Variants in SOX6 observed in about 807,000 individuals in gnomAD.
SOX6 encodes SRY-box transcription factor 6.
In SOX6, 11 loss-of-function variants were observed where a neutral mutation model predicts 97.8. The observed-to-expected ratio is 0.11, with a 90% CI of 0.07 to 0.19. SOX6 has a LOEUF of 0.19. SOX6 is among the 10% of genes least tolerant of loss of function. SOX6 has a pLI of 1.00. For missense variants in SOX6, 810 were observed against 1,039.5 expected (o/e 0.78, Z 3.04); for synonymous variants, 360 against 371.4 (o/e 0.97, Z 0.35).
intron 1 of SOX6, among the ~76,000 whole-genome samples, chr11:16,424,703 A>T (rs952112727): frequency 9.9e-5 from 15 of 152,262 alleles, no homozygotes; most frequent in African/African-American, 3.6e-4. Context: ...TGTGAGATAC[A>T]CAAAGTTCCA....
chr11:16,728,209 G>A (rs1351039907), intron 2 of SOX6, among the ~76,000 whole-genome samples: 3 of 152,204 alleles, frequency 2.0e-5, no homozygotes, highest in Non-Finnish European at 4.4e-5. Flanking sequence ...GAGACCCCCA[G>A]CATAGCACTC....
At chr11:16,621,046 T>G (rs1218156366) in intron 3 of SOX6, among the ~76,000 whole-genome samples, 2 of 152,194 alleles carry the variant, frequency 1.3e-5, no homozygotes, top group East Asian at 3.8e-4. Flanking sequence ...GTGCCTATAT[T>G]TGGAAGAGCA....
intron 4 of SOX6, among the ~76,000 whole-genome samples, chr11:16,207,951 A>T (rs1473483676): frequency 6.6e-6 from 1 of 152,142 alleles, no homozygotes; most frequent in East Asian, 1.9e-4. Context: ...AATAGTCTAC[A>T]TTAATAAATA....
intron 1 of SOX6, among the ~76,000 whole-genome samples, chr11:16,395,093 A>G (rs568693399): frequency 6.6e-6 from 1 of 151,862 alleles, no homozygotes; most frequent in East Asian, 1.9e-4. Context: ...CTTTCTGTCA[A>G]TCTCCCTTTT....
chr11:16,635,081 G>C (rs1405808169), intron 3 of SOX6, among the ~76,000 whole-genome samples: 1 of 152,120 alleles, frequency 6.6e-6, no homozygotes, highest in Non-Finnish European at 1.5e-5. Context: ...CCAGTCTTGG[G>C]TATGTCCTTA....
chr11:16,300,409 A>G lies in SOX6; in HGVS notation c.445+18037T>C, dbSNP rs1855224409. On this transcript the variant is annotated intron_variant, in intron 3 of 15. Transcript: ENST00000683767. The surrounding 1 kb of genome is among the most constrained non-coding windows in gnomAD (Gnocchi z 4.1). ...TATTATAACATTTTGCTCAGAGCTGACATTTTTATTCTGACAAGCACTGTC... is the reference window on the plus strand; with the variant it reads ...TATTATAACATTTTGCTCAGAGCTGGCATTTTTATTCTGACAAGCACTGTC... Among the ~76,000 whole-genome samples, 1 of 152,182 alleles carries G rather than the reference A, an allele frequency of 6.6e-6. No individual in the cohort carries two copies. Among genetic ancestry groups the G allele is most frequent in the South Asian group, 2.1e-4 (1 of 4,830 alleles).
rs530590409 is a variant in SOX6, at chr11:16,049,968, T to C, written c.1252-30A>G. 205 of 1,611,040 alleles carry C rather than the reference T, an allele frequency of 1.3e-4. 1 individual carries two copies. In the South Asian group the frequency reaches 2.1e-3, roughly 17 times the overall value. ...AAGAGTTTAACGTAAATAATTATTT[T>C]TACAAAAGACAAATGAAGCACATTA... On this transcript the variant is annotated intron_variant, in intron 10 of 15. Coordinates refer to ENST00000683767, the MANE Select transcript of SOX6 (RefSeq NM_001367873.1).
intron 1 of SOX6, among the ~76,000 whole-genome samples, chr11:16,383,833 G>A (rs997209135): frequency 1.3e-5 from 2 of 151,886 alleles, no homozygotes; most frequent in African/African-American, 4.8e-5. Context: ...GAGTATGGGA[G>A]GAGGACTGAT....
chr11:16,606,552 C>G (rs1848336303), intron 4 of SOX6, among the ~76,000 whole-genome samples: 2 of 152,202 alleles, frequency 1.3e-5, no homozygotes, highest in African/African-American at 2.4e-5. Flanking sequence ...TCGAACTTCA[C>G]GGAGACTTAC....
chr11:16,261,770 ACTT>A (rs2134214850), intron 3 of SOX6, among the ~76,000 whole-genome samples: 1 of 152,140 alleles, frequency 6.6e-6, no homozygotes, highest in African/African-American at 2.4e-5. Flanking sequence ...GATTTTGAAA[ACTT>A]CTATCACAAA....
At chr11:15,988,786 T>C (rs1034300495) in intron 14 of SOX6, among the ~76,000 whole-genome samples, 10 of 152,230 alleles carry the variant, frequency 6.6e-5, no homozygotes, top group African/African-American at 2.4e-4. Context: ...ACCTGGTGGA[T>C]ATAATAACTC....
At chr11:16,172,796 G>C (rs1490161439) in intron 6 of SOX6, among the ~76,000 whole-genome samples, 1 of 151,928 alleles carries the variant, frequency 6.6e-6, no homozygotes, top group African/African-American at 2.4e-5. Context: ...AGGACAGGTA[G>C]TTGCTAGCAG....
intron 6 of SOX6, among the ~76,000 whole-genome samples, chr11:16,164,848 G>A (rs1009891521): frequency 4.7e-5 from 7 of 148,928 alleles, no homozygotes; most frequent in African/African-American, 1.3e-4. Context: ...AAGAAAGAAA[G>A]AAAAAAGAAA....
chr11:16,176,070 C>T lies in SOX6; in HGVS notation c.777+7816G>A, dbSNP rs368278933. Reference sequence around the variant, plus strand: ...ATGGATGGACGGACAGACGGACGGACGGATGGATGGATGGATGGATGGATG... The same window carrying T: ...ATGGATGGACGGACAGACGGACGGATGGATGGATGGATGGATGGATGGATG... On this transcript the variant is annotated intron_variant, in intron 6 of 15. Transcript: ENST00000683767. Among the ~76,000 whole-genome samples the T allele has an allele frequency of 5.4e-5, 8 of 148,420 alleles. No individual in the cohort carries two copies. The East Asian group carries it at 8.0e-4, about 15-fold the overall frequency.
chr11:16,314,777 TTACATTA>T (rs1855711500), intron 3 of SOX6: 1 of 152,220 alleles, frequency 6.6e-6, no homozygotes. Context: ...ATATTTTATA[TTACATTA>T]TACTTGGAGA....
chr11:16,359,680 ATGT>A (rs1248920404), upstream of SOX6, among the ~76,000 whole-genome samples: 1 of 152,278 alleles, frequency 6.6e-6, no homozygotes, highest in East Asian at 1.9e-4. Flanking sequence ...CCACTGATAA[ATGT>A]TGTTGAAAGA....
At chr11:16,718,040 G>A (rs1464864073) in intron 2 of SOX6, among the ~76,000 whole-genome samples, 1 of 149,960 alleles carries the variant, frequency 6.7e-6, no homozygotes, top group African/African-American at 2.5e-5. Flanking sequence ...AGGTTCAAAA[G>A]TATAAAAGCC....
At chr11:16,131,861 A>G (rs1849748595) in intron 6 of SOX6, among the ~76,000 whole-genome samples, 3 of 152,104 alleles carry the variant, frequency 2.0e-5, no homozygotes, top group Admixed American at 2.0e-4. Flanking sequence ...ATGAAGTCTT[A>G]GAAAAGGCAA....
At chr11:16,100,954 G>T (rs1160853787) in intron 7 of SOX6, among the ~76,000 whole-genome samples, 1 of 151,610 alleles carries the variant, frequency 6.6e-6, no homozygotes, top group Non-Finnish European at 1.5e-5. Flanking sequence ...CGGGACAAAA[G>T]ATTCTTCAGT....
Sources: allele counts gnomAD v4.1 joint callset (sites outside exome capture counted in the v4.1 genomes callset), GRCh38; gene constraint gnomAD v4.1.1; non-coding constraint Gnocchi (gnomAD v3.1); transcripts MANE v1.5; gene names NCBI Gene and HGNC (gene_info 2026-07-23, HGNC 2026-07-21).